PEX5L: variants seen among roughly 807,000 people sequenced by gnomAD.
The protein encoded by PEX5L is peroxisomal biogenesis factor 5 like.
A neutral mutation model predicts 84.0 loss-of-function variants in PEX5L; 30 were observed. The ratio of observed to expected loss-of-function variants is 0.36; its 90% CI spans 0.27 to 0.48. The LOEUF is 0.48. PEX5L is among the 20% of genes least tolerant of loss of function. PEX5L has a pLI of 0.99. For synonymous variants in PEX5L, 270 were observed against 283.1 expected (o/e 0.95, Z 0.46); for missense variants, 533 against 754.6 (o/e 0.71, Z 3.44).
At chr3:179,863,490 A>G (rs531030729) in intron 7 of PEX5L, among the ~76,000 whole-genome samples, 4 of 152,304 alleles carry the variant, frequency 2.6e-5, no homozygotes, top group African/African-American at 9.6e-5. Context: ...CTCAATAGCA[A>G]GAAAACAACT....
chr3:179,878,812 T>C (rs974871268), intron 5 of PEX5L, among the ~76,000 whole-genome samples: 2 of 152,328 alleles, frequency 1.3e-5, no homozygotes, highest in East Asian at 1.9e-4. Context: ...TTGCTACATA[T>C]AGTTAATATT....
intron 1 of PEX5L, among the ~76,000 whole-genome samples, chr3:180,035,868 G>A (rs981547063): frequency 6.6e-6 from 1 of 152,096 alleles, no homozygotes; most frequent in African/African-American, 2.4e-5. Context: ...CCAACCAACC[G>A]TATGAATGAG....
In PEX5L at chr3:179,796,992, C is replaced by T. The variant is rs1577027131; in HGVS notation, c.*4836G>A. 6.6e-6 allele frequency: 1 copy of T among 152,132 alleles called. No homozygotes were observed. The highest frequency in any genetic ancestry group is 2.4e-5 in the African/African-American group (1 of 41,424). 9.4% of individuals were successfully genotyped at this position (152,132 alleles called of 1,614,324 possible). A position where few individuals can be genotyped will look rare whatever the true frequency, so the allele number is the denominator to read the frequency against. On this transcript the variant is annotated 3_prime_UTR_variant, in exon 15 of 15. Coordinates refer to ENST00000467460, the MANE Select transcript of PEX5L (RefSeq NM_016559.3). Reference sequence around the variant, plus strand: ...ATGATTTTGATGTGCCTGACATTACCCCAACCTCCTCGCCTTATTTAGAAT... The same window carrying T: ...ATGATTTTGATGTGCCTGACATTACTCCAACCTCCTCGCCTTATTTAGAAT...
chr3:180,024,790 G>C (rs1256713134), intron 1 of PEX5L, among the ~76,000 whole-genome samples: 1 of 152,072 alleles, frequency 6.6e-6, no homozygotes, highest in East Asian at 1.9e-4. Context: ...GCAAATGACA[G>C]CCTCCGACAG....
At chr3:179,817,742 A>G (rs992261164) in intron 9 of PEX5L, among the ~76,000 whole-genome samples, 3 of 152,228 alleles carry the variant, frequency 2.0e-5, no homozygotes, top group Non-Finnish European at 4.4e-5. Context: ...TTAAGAGTAG[A>G]TCAAGTGGAG....
chr3:179,916,341 T>C (rs936821728), intron 2 of PEX5L, among the ~76,000 whole-genome samples: 2 of 152,220 alleles, frequency 1.3e-5, no homozygotes, highest in South Asian at 4.1e-4. Context: ...TACTGAATAC[T>C]GTTTGCAATT....
chr3:179,912,056 A>C (rs1165556511), intron 2 of PEX5L, among the ~76,000 whole-genome samples: 5 of 152,130 alleles, frequency 3.3e-5, no homozygotes, highest in African/African-American at 4.8e-5. Context: ...ACTTTGGTGG[A>C]CTGTTTAGTT....
intron 2 of PEX5L, among the ~76,000 whole-genome samples, chr3:179,905,490 G>C (rs1762867682): frequency 6.6e-6 from 1 of 151,944 alleles, no homozygotes; most frequent in Admixed American, 6.6e-5. Flanking sequence ...AGCCAGGATG[G>C]TCTCGTGATC....
intron 1 of PEX5L, among the ~76,000 whole-genome samples, chr3:179,995,117 CTATATA>C (rs985402198): frequency 6.9e-6 from 1 of 145,472 alleles, no homozygotes; most frequent in Admixed American, 6.9e-5. Context: ...ACTATATATA[CTATATA>C]TATACACTAT....
chr3:179,807,768 C>T lies in PEX5L; in HGVS notation c.1582G>A (p.Val528Met), dbSNP rs1253107380. ...LANGDRSEEA[V>M]EAYTRALEIQ... Reference sequence around the variant, plus strand: ...TCCAGTGCTCGCGTATAGGCCTCCACGGCTTCCTCGCTGCGGTCTCCGTTC... The same window carrying T: ...TCCAGTGCTCGCGTATAGGCCTCCATGGCTTCCTCGCTGCGGTCTCCGTTC... Residue 528 changes from valine (V) to methionine (M), a missense_variant, in exon 14 of 15, where the codon GTG (valine) becomes ATG (methionine). Coordinates refer to ENST00000467460, the MANE Select transcript of PEX5L (RefSeq NM_016559.3). The T allele has an allele frequency of 1.1e-5, 17 of 1,613,936 alleles. No homozygotes were observed. The highest frequency in any genetic ancestry group is 1.3e-5 in the Non-Finnish European group (15 of 1,179,954).
At chr3:179,896,440 A>C (rs535173966) in intron 3 of PEX5L, among the ~76,000 whole-genome samples, 1 of 152,296 alleles carries the variant, frequency 6.6e-6, no homozygotes, top group Admixed American at 6.5e-5. Flanking sequence ...TAAAGGAAGA[A>C]CTTGGTACAA....
At chr3:179,832,275 G>T (rs970845703) in intron 8 of PEX5L, among the ~76,000 whole-genome samples, 6 of 151,772 alleles carry the variant, frequency 4.0e-5, no homozygotes, top group Admixed American at 1.3e-4. Flanking sequence ...GATAGAGAGG[G>T]AGCCTTCTCA....
chr3:179,805,457 T>A (rs1720942698), intron 14 of PEX5L, among the ~76,000 whole-genome samples: 1 of 152,102 alleles, frequency 6.6e-6, no homozygotes, highest in Non-Finnish European at 1.5e-5. Flanking sequence ...TGCACACACC[T>A]CCCATATACT....
At chr3:179,887,889 A>G in intron 3 of PEX5L, 105 bp from the exon 4 acceptor site, 1 of 768,336 alleles carries the variant, frequency 1.3e-6, no homozygotes, top group Non-Finnish European at 2.2e-6. Context: ...GCCTACCAAA[A>G]ATAAATAAAT....
chr3:179,956,543 T>C (rs1780604487), intron 2 of PEX5L, among the ~76,000 whole-genome samples: 1 of 152,192 alleles, frequency 6.6e-6, no homozygotes, highest in Admixed American at 6.5e-5. Flanking sequence ...TATATCTGTG[T>C]CCTCAATGAA....
chr3:179,898,504 A>C (rs1471198383), intron 2 of PEX5L, among the ~76,000 whole-genome samples: 1 of 152,176 alleles, frequency 6.6e-6, no homozygotes, highest in East Asian at 1.9e-4. Context: ...TTATATGTAT[A>C]ATATGTTTTA....
At chr3:180,009,766 T>C (rs1322746460) in intron 1 of PEX5L, among the ~76,000 whole-genome samples, 3 of 152,042 alleles carry the variant, frequency 2.0e-5, no homozygotes, top group Admixed American at 1.3e-4. Context: ...AGTTGTTTTT[T>C]TCCTCTGTCT....
intron 3 of PEX5L, among the ~76,000 whole-genome samples, chr3:179,890,863 A>C (rs1199197571): frequency 6.6e-6 from 1 of 152,214 alleles, no homozygotes; most frequent in African/African-American, 2.4e-5. Flanking sequence ...AGTAATTCTA[A>C]AAGTAAAATG....
intron 2 of PEX5L, among the ~76,000 whole-genome samples, chr3:179,937,805 G>C (rs1387820755): frequency 6.6e-6 from 1 of 152,118 alleles, no homozygotes. Flanking sequence ...ACCAGGTTTT[G>C]TGCAAGTGGG....
Sources: gnomAD v4.1 joint callset for allele counts (sites outside exome capture counted in the v4.1 genomes callset) on GRCh38, gnomAD v4.1.1 for gene constraint, MANE v1.5 for transcripts, NCBI Gene and HGNC (gene_info 2026-07-23, HGNC 2026-07-21) for gene names.